LMTK3: variants seen among roughly 807,000 people sequenced by gnomAD.
LMTK3 encodes serine/threonine-protein kinase LMTK3.
A neutral mutation model predicts 116.7 loss-of-function variants in LMTK3; 27 were observed. The ratio of observed to expected loss-of-function variants is 0.23; its 90% confidence interval spans 0.17 to 0.32. LMTK3 has a LOEUF of 0.32. Ranked by LOEUF, LMTK3 falls within the 10% of genes least tolerant of loss-of-function variation. LMTK3 has a pLI of 1.00. For missense variants in LMTK3, 1,764 were observed against 2,068.5 expected, an observed-to-expected ratio of 0.85 and a Z score of 2.86; for synonymous variants, 965 against 971.0, an observed-to-expected ratio of 0.99 and a Z score of 0.11.
chr19:48,504,144 A>C (rs1423994661), intron 5 of LMTK3, among the ~76,000 whole-genome samples: 1 of 152,180 alleles, frequency 6.6e-6, no homozygotes, highest in Non-Finnish European at 1.5e-5. Context: ...CTGGGATTAC[A>C]GGCGTGAACC....
At chr19:48,510,672 T>C in intron 1 of LMTK3, 80 bp from the exon 2 acceptor site, 2 of 1,428,048 alleles carry the variant, frequency 1.4e-6, no homozygotes, top group Non-Finnish European at 1.9e-6. Flanking sequence ...TCCCGGCACG[T>C]CTTGGACTAC....
intron 7 of LMTK3, 79 bp downstream of exon 7, chr19:48,502,354 C>T: frequency 6.6e-7 from 1 of 1,506,402 alleles, no homozygotes; most frequent in Non-Finnish European, 9.0e-7. Context: ...TCCGCCCCCC[C>T]TCTAGCCCCT....
At chr19:48,495,073 G>A (rs1183504955) in intron 11 of LMTK3, among the ~76,000 whole-genome samples, 1 of 150,910 alleles carries the variant, frequency 6.6e-6, no homozygotes, top group Non-Finnish European at 1.5e-5. Context: ...GCAGTGGTAC[G>A]ATCTCGGCGC....
chr19:48,498,245 T>C lies in LMTK3; in HGVS notation c.2824A>G (p.Lys942Glu). 1 of 1,612,918 alleles carries C rather than the reference T, an allele frequency of 6.2e-7. No homozygotes were observed. Among genetic ancestry groups the C allele is most frequent in the Non-Finnish European group, 8.5e-7 (1 of 1,179,578 alleles). Reference protein sequence around the residue: ...GDQRAPGIEEKAAENGALGSP... With the variant: ...GDQRAPGIEEEAAENGALGSP... ...CCCAGGGCCCCATTCTCCGCCGCCT[T>C]CTCCTCGATGCCTGGGGCTCTCTGG... The change falls in exon 11 of 15, where the codon AAG becomes GAG. Residue 942 changes from lysine (K) to glutamate (E), a missense_variant. Physicochemically the swap from Lys to Glu is moderately conservative, Grantham distance 56. This residue lies in a region of LMTK3 where 1,028 missense variants were observed against 1,050.6 expected (regional missense o/e 0.98). Coordinates refer to ENST00000600059, the MANE Select transcript of LMTK3 (RefSeq NM_001388485.1).
chr19:48,491,587 C>T lies in LMTK3; in HGVS notation c.4093-48G>A. ...AGCCAGAGGGGACAAACCTTCACGT[C>T]CCATTTACCGCATCCCCCAAAAGCA... On this transcript the variant is annotated intron_variant, in intron 12 of 14. Coordinates refer to ENST00000600059, the MANE Select transcript of LMTK3 (RefSeq NM_001388485.1). This position sits in a 1 kb window ranked among gnomAD's most constrained non-coding sequence, Gnocchi z 5.1. 1 of 1,297,724 alleles carries T rather than the reference C, an allele frequency of 7.7e-7. No individual in the cohort carries two copies. The highest frequency in any genetic ancestry group is 3.0e-5 in the East Asian group (1 of 33,504). 80.4% of individuals were successfully genotyped at this position (1,297,724 alleles called of 1,614,324 possible). A position where few individuals can be genotyped will look rare whatever the true frequency, so the allele number is the denominator to read the frequency against.
upstream of LMTK3, among the ~76,000 whole-genome samples, chr19:48,512,828 C>G (rs562793680): frequency 4.1e-4 from 63 of 152,224 alleles, no homozygotes; most frequent in African/African-American, 1.5e-3. Context: ...CATAAATACA[C>G]CACACACTGA....
chr19:48,499,010 C>G lies in LMTK3; in HGVS notation c.2059G>C (p.Asp687His). ...ACSCLPLERG[D>H]AVAGWGGHPA... ...TGGCCTCCCCAGCCTGCTACGGCGT[C>G]CCCCCGCTCCAGTGGCAGGCAGGAG... is the stretch of plus-strand genomic sequence containing the variant. Residue 687 changes from aspartate to histidine, a missense_variant, in exon 11 of 15, where the codon GAC becomes CAC. Transcript: ENST00000600059. 2.1e-6 allele frequency: 3 copies of G among 1,426,826 alleles called. No homozygotes were observed. The highest frequency in any genetic ancestry group is 1.4e-5 in the South Asian group (1 of 69,010). 88.4% of individuals were successfully genotyped at this position (1,426,826 alleles called of 1,614,324 possible).
chr19:48,503,204 C>T (rs376188138), intron 5 of LMTK3, among the ~76,000 whole-genome samples: 1 of 152,224 alleles, frequency 6.6e-6, no homozygotes, highest in African/African-American at 2.4e-5. Flanking sequence ...TGCGCCACCA[C>T]GCCTGGCTAA....
At chr19:48,489,963 C>T (rs1226622229) in intron 14 of LMTK3, among the ~76,000 whole-genome samples, 2 of 152,176 alleles carry the variant, frequency 1.3e-5, no homozygotes, top group Non-Finnish European at 2.9e-5. Context: ...AGCCCAGTCC[C>T]GTTCCAGTCC....
At chr19:48,487,423 C>T (rs1158399568) in intron 14 of LMTK3, among the ~76,000 whole-genome samples, 1 of 152,128 alleles carries the variant, frequency 6.6e-6, no homozygotes, top group Non-Finnish European at 1.5e-5. Context: ...GATCTGCCCG[C>T]CTTGGTCTCA....
rs1972440311 is a variant in LMTK3, at chr19:48,500,322, G to A, written c.1152-405C>T. Among the ~76,000 whole-genome samples the A allele has an allele frequency of 6.6e-6, 1 of 152,236 alleles. No individual in the cohort carries two copies. Among genetic ancestry groups the A allele is most frequent in the Non-Finnish European group, 1.5e-5 (1 of 68,042 alleles). On this transcript the variant is annotated intron_variant, in intron 10 of 14. Coordinates refer to ENST00000600059, the MANE Select transcript of LMTK3 (RefSeq NM_001388485.1). This position sits in a 1 kb window ranked among gnomAD's most constrained non-coding sequence, Gnocchi z 4.0. Reference sequence around the variant, plus strand: ...GCCTGTAATCCCAGCTACCTGGGAGGCTGAGGCAGGAGAACCGCTTGAACC... The same window carrying A: ...GCCTGTAATCCCAGCTACCTGGGAGACTGAGGCAGGAGAACCGCTTGAACC...
In LMTK3 at chr19:48,508,901, G is replaced by A; in HGVS notation, c.507C>T (p.Ser169=). ...ACTTGCGTTGCTCCAGGGGCCCCGC[G>A]CTGGCTCGGAGCTCCTTCACCACCA... ...AQVVVKELRA[S]AGPLEQRKFI... is the part of the protein sequence containing the mutation. Residue 169 remains serine (S), a synonymous_variant, in exon 5 of 15, where the codon AGC becomes AGT. Transcript: ENST00000600059. 12 of 1,613,556 alleles carry A rather than the reference G, an allele frequency of 7.4e-6. No homozygotes were observed. The highest frequency in any genetic ancestry group is 1.0e-5 in the Non-Finnish European group (12 of 1,179,736).
chr19:48,499,668 C>A lies in LMTK3; in HGVS notation c.1401G>T (p.Thr467=), dbSNP rs1047614828. The A allele has an allele frequency of 1.3e-6, 2 of 1,535,498 alleles. No individual in the cohort carries two copies. Among genetic ancestry groups the A allele is most frequent in the Admixed American group, 2.1e-5 (1 of 47,378 alleles). ...TGAGGCCGCGGCTACTCTCGGTGAC[C>A]GTGAGCACATCGTCGGGGTCGGCTC... The part of the protein sequence containing the change: ...FPGADPDDVL[T]VTESSRGLNL... Residue 467 remains threonine (T), a synonymous_variant, in exon 11 of 15, where the codon ACG becomes ACT. Transcript: ENST00000600059.
chr19:48,499,088 G>T lies in LMTK3; in HGVS notation c.1981C>A (p.Pro661Thr), dbSNP rs751031821. 1.9e-6 allele frequency: 3 copies of T among 1,550,078 alleles called. No individual in the cohort carries two copies. In the African/African-American group the frequency reaches 4.1e-5, roughly 21 times the overall value. The part of the protein sequence containing the change: ...GEDSSSLGGG[P>T]SRRGPLPCPL... The stretch of plus-strand genomic sequence containing the variant: ...CAGGGTAGGGGACCCCGGCGGCTTG[G>T]GCCACCTCCAAGGCTGCTGCTGTCT... The change falls in exon 11 of 15, where the codon CCA becomes ACA. Residue 661 changes from proline (P) to threonine (T), a missense_variant. Physicochemically the swap from Pro to Thr is conservative, Grantham distance 38 (BLOSUM62 -1). Coordinates refer to ENST00000600059, the MANE Select transcript of LMTK3 (RefSeq NM_001388485.1).
intron 12 of LMTK3, among the ~76,000 whole-genome samples, 156 bp downstream of exon 12, chr19:48,493,538 G>C (rs1414466196): frequency 8.6e-6 from 1 of 115,666 alleles, no homozygotes; most frequent in Non-Finnish European, 1.8e-5. Context: ...CCCCACCCTA[G>C]CTCGGCCTCC....
At position 48,508,981 on chromosome 19, in the gene LMTK3, G is replaced by C. The variant is rs1410466973; in HGVS notation, c.439-12C>G. ...TCTCCCAGGATCACCTGGTCAAGGG[G>C]CACCCAGGAGTCAGCGAGTGCCGTT... On this transcript the variant is annotated splice_polypyrimidine_tract_variant and intron_variant, in intron 4 of 14. Transcript: ENST00000600059. 6.4e-7 allele frequency: 1 copy of C among 1,568,592 alleles called. No homozygotes were observed. Among genetic ancestry groups the C allele is most frequent in the Non-Finnish European group, 8.7e-7 (1 of 1,148,874 alleles).
chr19:48,496,835 C>T (rs953085469), intron 11 of LMTK3, among the ~76,000 whole-genome samples: 4 of 152,222 alleles, frequency 2.6e-5, no homozygotes, highest in African/African-American at 7.2e-5. Context: ...TGGCTGCAAC[C>T]ATAAAAACAA....
At position 48,511,511 on chromosome 19, in the gene LMTK3, C is replaced by CG; in HGVS notation, c.65dup (p.Ala23GlyfsTer51). The stretch of plus-strand genomic sequence containing the variant: ...GCCCGACAGACTCACCGGGGTGGGC[C>CG]GGGGACGCCAGGCAGCCGGAGGCGG... On this transcript the variant is annotated frameshift_variant, in exon 1 of 15. Transcript: ENST00000600059. LOFTEE classifies it high-confidence loss of function. 1 of 1,394,124 alleles carries CG rather than the reference C, an allele frequency of 7.2e-7. No individual in the cohort carries two copies. The allele number at this position is 1,394,124 out of a possible 1,614,324, so 86.4% of individuals were successfully genotyped here.
Position 48,497,984 on chromosome 19 carries a change from G to T in LMTK3, c.3085C>A (p.Pro1029Thr), listed in dbSNP as rs536232880. ...CAACTCTCGGGCGTCTTCTCCCAGG[G>T]CCCTGGGGCTCTCCAAGGCCCAGTC... The part of the protein sequence containing the change: ...PETGPWRAPG[P>T]WEKTPESWGP... Residue 1029 changes from proline to threonine, a missense_variant, in exon 11 of 15, where the codon CCC (proline) becomes ACC (threonine). Transcript: ENST00000600059. The surrounding 1 kb of genome is among the most constrained non-coding windows in gnomAD (Gnocchi z 5.7). 3 of 1,607,266 alleles carry T rather than the reference G, an allele frequency of 1.9e-6. No individual in the cohort carries two copies. Among genetic ancestry groups the T allele is most frequent in the Admixed American group, 1.7e-5 (1 of 58,884 alleles).
Sources: allele counts gnomAD v4.1 joint callset (sites outside exome capture counted in the v4.1 genomes callset), GRCh38; gene constraint gnomAD v4.1.1; regional missense constraint gnomAD v4.1.1; non-coding constraint Gnocchi (gnomAD v3.1); transcripts MANE v1.5; gene names NCBI Gene and HGNC (gene_info 2026-07-23, HGNC 2026-07-21).